The following ANK3 variants were observed in gnomAD, a reference collection of about 807,000 sequenced individuals.
The protein encoded by ANK3 is ankyrin-3.
ANK3 carries 57 observed loss-of-function variants against 370.9 expected under a neutral mutation model. The observed-to-expected ratio is 0.15, with a 90% CI of 0.12 to 0.19. ANK3 has a LOEUF of 0.19. Ranked by LOEUF, ANK3 falls within the 10% of genes least tolerant of loss-of-function variation. The pLI, the probability that ANK3 is intolerant of heterozygous loss-of-function variation, is 1.00. For synonymous variants in ANK3, 1,929 were observed against 1,946.3 expected, an observed-to-expected ratio of 0.99 and a Z score of 0.23; for missense variants, 4,439 against 5,302.1, an observed-to-expected ratio of 0.84 and a Z score of 5.06.
chr10:60,370,163 TA>T (rs1404751402), intron 1 of ANK3, among the ~76,000 whole-genome samples: 1 of 152,204 alleles, frequency 6.6e-6, no homozygotes, highest in Non-Finnish European at 1.5e-5. Flanking sequence ...CCATGTTGTT[TA>T]GACTTAGCTT....
At chr10:60,694,493 G>C (rs961960415) in intron 1 of ANK3, among the ~76,000 whole-genome samples, 4 of 152,120 alleles carry the variant, frequency 2.6e-5, no homozygotes, top group Admixed American at 1.3e-4. Context: ...AGGGCAGCCA[G>C]AGAGAAAGGT....
At chr10:60,233,055 T>G (rs2097271780) in intron 8 of ANK3, among the ~76,000 whole-genome samples, 1 of 152,194 alleles carries the variant, frequency 6.6e-6, no homozygotes, top group Admixed American at 6.5e-5. Context: ...CATCTTTTGA[T>G]TAGATTGCTT....
At chr10:60,726,158 C>G (rs2079937862) in intron 1 of ANK3, among the ~76,000 whole-genome samples, 2 of 152,130 alleles carry the variant, frequency 1.3e-5, no homozygotes, top group Non-Finnish European at 2.9e-5. Context: ...CATAGCTTCT[C>G]TCAGATACTT....
rs147093268 is a variant in ANK3 at position 60,617,562 on chromosome 10, A to G, written c.58-2338T>C. ...TTGTAAGGATTAAACCAGATAATGT[A>G]CAGAAATCCCTTCAGTGCCTAGCAC... On this transcript the variant is annotated intron_variant, in intron 1 of 43. Coordinates refer to the ANK3 transcript ENST00000373827. Among the ~76,000 whole-genome samples the G allele has an allele frequency of 2.5e-3, 385 of 152,292 alleles. 2 individuals carry two copies. The highest frequency in any genetic ancestry group is 8.8e-3 in the African/African-American group (364 of 41,574).
chr10:60,188,569 A>T (rs1264169202), intron 16 of ANK3, among the ~76,000 whole-genome samples: 1 of 152,172 alleles, frequency 6.6e-6, no homozygotes, highest in Non-Finnish European at 1.5e-5. Context: ...GAGGGTTTTG[A>T]GGGGCTGCTG....
At chr10:60,140,151 C>A in intron 23 of ANK3, 2 of 598,194 alleles carry the variant, frequency 3.3e-6, no homozygotes. Flanking sequence ...AAGAGCTCAG[C>A]TTTTAAACTA....
intron 1 of ANK3, among the ~76,000 whole-genome samples, chr10:60,724,102 C>T (rs1361270246): frequency 3.4e-5 from 4 of 118,428 alleles, no homozygotes; most frequent in African/African-American, 1.2e-4. Context: ...CCCAGCTACT[C>T]GGGAGGCTGA....
At chr10:60,328,093 A>G (rs930783843) in intron 1 of ANK3, among the ~76,000 whole-genome samples, 1 of 152,200 alleles carries the variant, frequency 6.6e-6, no homozygotes, top group Non-Finnish European at 1.5e-5. Flanking sequence ...TGTTTTGTCT[A>G]TTCAAACGTA....
intron 28 of ANK3, 89 bp from the exon 29 acceptor site, chr10:60,088,447 T>C (rs2132027892): frequency 1.7e-6 from 2 of 1,198,900 alleles, no homozygotes; most frequent in Middle Eastern, 5.4e-4. Context: ...TTTTTTGAGA[T>C]GGAGTTTCAC....
intron 10 of ANK3, among the ~76,000 whole-genome samples, chr10:60,206,918 T>A (rs1488207971): frequency 1.3e-5 from 2 of 152,182 alleles, no homozygotes; most frequent in African/African-American, 4.8e-5. Context: ...TTGGCCACAG[T>A]CCATCCCAGG....
At chr10:60,377,107 A>G (rs1157081477) in intron 1 of ANK3, among the ~76,000 whole-genome samples, 1 of 152,210 alleles carries the variant, frequency 6.6e-6, no homozygotes, top group East Asian at 1.9e-4. Flanking sequence ...CTAAGTAAAT[A>G]TACCCATCAT....
chr10:60,616,893 T>C (rs1219203431), intron 1 of ANK3, among the ~76,000 whole-genome samples: 1 of 152,178 alleles, frequency 6.6e-6, no homozygotes, highest in Non-Finnish European at 1.5e-5. Context: ...TATTTCATAG[T>C]GAAATGGTAT....
rs541171186 is a variant in ANK3, at chr10:60,487,300, G to A, written c.96+127886C>T. On this transcript the variant is annotated intron_variant, in intron 2 of 43. Coordinates refer to the ANK3 transcript ENST00000373827. ...GAGTGGTATGAAGGAAATAAACTACGCAAAGAAGAAAAGTAAGATATTTAG... is the reference window on the plus strand; with the variant it reads ...GAGTGGTATGAAGGAAATAAACTACACAAAGAAGAAAAGTAAGATATTTAG... Among the ~76,000 whole-genome samples, 22 of 152,270 alleles carry A rather than the reference G, an allele frequency of 1.4e-4. 1 individual carries two copies. The East Asian group carries it at 4.1e-3, about 28-fold the overall frequency.
chr10:60,684,941 G>A, intron 1 of ANK3: 1 of 1,524,520 alleles, frequency 6.6e-7, no homozygotes, highest in Admixed American at 1.7e-5. Context: ...TCTCTTTCAG[G>A]AATTGAGAAA....
intron 1 of ANK3, among the ~76,000 whole-genome samples, chr10:60,279,960 C>T (rs1002791237): frequency 2.6e-5 from 4 of 152,182 alleles, no homozygotes; most frequent in Admixed American, 1.3e-4. Context: ...TTGATAATTA[C>T]ATTATGAAGA....
chr10:60,625,094 G>A (rs2078390115), intron 1 of ANK3, among the ~76,000 whole-genome samples: 1 of 152,064 alleles, frequency 6.6e-6, no homozygotes, highest in Non-Finnish European at 1.5e-5. Flanking sequence ...GCCTTTAAGA[G>A]GACTGGCGGG....
intron 25 of ANK3, among the ~76,000 whole-genome samples, chr10:60,124,677 C>G (rs1261906999): frequency 6.6e-6 from 1 of 152,224 alleles, no homozygotes; most frequent in African/African-American, 2.4e-5. Context: ...CCATGGCTAA[C>G]ATGCTTTACT....
At chr10:60,670,503 C>T (rs1392348072) in intron 1 of ANK3, among the ~76,000 whole-genome samples, 1 of 152,172 alleles carries the variant, frequency 6.6e-6, no homozygotes, top group African/African-American at 2.4e-5. Flanking sequence ...GGCTCATTAT[C>T]TAACTTTTGG....
upstream of ANK3, among the ~76,000 whole-genome samples, chr10:60,391,723 T>C (rs1008529979): frequency 4.9e-4 from 75 of 152,242 alleles, no homozygotes; most frequent in African/African-American, 1.7e-3. Context: ...CAAAGCACTA[T>C]ACTTTCTCAT....
Sources: gnomAD v4.1 joint callset for allele counts (sites outside exome capture counted in the v4.1 genomes callset) on GRCh38, gnomAD v4.1.1 for gene constraint, MANE v1.5 for transcripts, NCBI Gene and HGNC (gene_info 2026-07-23, HGNC 2026-07-21) for gene names.